ZNF611: variants seen among roughly 807,000 people sequenced by gnomAD.
The protein encoded by ZNF611 is zinc finger protein 611.
In ZNF611, 6 loss-of-function variants were observed where a neutral mutation model predicts 8.9. That is an observed-to-expected ratio of 0.68 (90% CI 0.37 to 1.34). The LOEUF is 1.34. Ranked by LOEUF, ZNF611 falls within the 40% of genes most tolerant of loss-of-function variation. ZNF611 has a pLI of 0.02. For missense variants in ZNF611, 874 were observed against 841.3 expected, an observed-to-expected ratio of 1.04 and a Z score of -0.48; for synonymous variants, 262 against 279.7, an observed-to-expected ratio of 0.94 and a Z score of 0.63.
chr19:52,710,439 A>G (rs2062272232), intron 5 of ZNF611, among the ~76,000 whole-genome samples: 1 of 152,152 alleles, frequency 6.6e-6, no homozygotes, highest in Admixed American at 6.6e-5. Flanking sequence ...CATGTTGGCC[A>G]GGCTGGTCTA....
intron 3 of ZNF611, among the ~76,000 whole-genome samples, chr19:52,723,086 G>A (rs2062370267): frequency 6.7e-6 from 1 of 150,298 alleles, no homozygotes; most frequent in Non-Finnish European, 1.5e-5. Flanking sequence ...CTAATTCTGT[G>A]CATATCTCTC....
intron 5 of ZNF611, among the ~76,000 whole-genome samples, chr19:52,711,828 G>C (rs982340521): frequency 5.9e-5 from 9 of 152,100 alleles, no homozygotes; most frequent in African/African-American, 2.2e-4. Context: ...AAAGTCAATA[G>C]GCTGGTATTT....
At chr19:52,725,419 C>A (rs2062385336) in intron 3 of ZNF611, among the ~76,000 whole-genome samples, 1 of 152,146 alleles carries the variant, frequency 6.6e-6, no homozygotes, top group Non-Finnish European at 1.5e-5. Context: ...GGGAATCCAG[C>A]GCACGGGTGA....
intron 5 of ZNF611, chr19:52,708,111 A>T (rs2062256914): frequency 6.6e-6 from 1 of 152,224 alleles, no homozygotes; most frequent in African/African-American, 2.4e-5. Context: ...TTAAGAAAAA[A>T]GCCACAACTT....
rs540560138 is a variant in ZNF611, at chr19:52,703,012, C to T, written c.*1925G>A. Reference sequence around the variant, plus strand: ...GAAATTGTTTTTTAAAAAAATCTAACGAATTCTGGGGTCAACCGGAAAATA... The same window carrying T: ...GAAATTGTTTTTTAAAAAAATCTAATGAATTCTGGGGTCAACCGGAAAATA... On this transcript the variant is annotated 3_prime_UTR_variant, in exon 6 of 6. Coordinates refer to ENST00000652185, the MANE Select transcript of ZNF611 (RefSeq NM_001161499.2). 2.1e-3 allele frequency: 320 copies of T among 151,992 alleles called. 2 individuals are homozygous for T. The highest frequency in any genetic ancestry group is 5.7e-3 in the African/African-American group (235 of 41,508). 9.4% of individuals were successfully genotyped at this position (151,992 alleles called of 1,614,324 possible).
intron 1 of ZNF611, among the ~76,000 whole-genome samples, chr19:52,733,285 T>C (rs150316821): frequency 1.3e-5 from 2 of 152,324 alleles, no homozygotes; most frequent in Non-Finnish European, 2.9e-5. Context: ...CCCACTCATC[T>C]GAACCCAGTC....
At chr19:52,709,670 C>A (rs11084180) in intron 5 of ZNF611, among the ~76,000 whole-genome samples, 64,199 of 151,186 alleles carry the variant, frequency 0.42, 14,068 homozygotes, top group African/African-American at 0.55. Context: ...CAGGTTCAAG[C>A]GATTCTCCTG....
chr19:52,713,589 T>C (rs1395733737), intron 5 of ZNF611, among the ~76,000 whole-genome samples: 2 of 152,142 alleles, frequency 1.3e-5, no homozygotes, highest in East Asian at 3.9e-4. Context: ...GCTTCTGTGA[T>C]GCTCCTCAAA....
chr19:52,717,534 G>A (rs913912841), intron 3 of ZNF611, among the ~76,000 whole-genome samples: 1 of 152,186 alleles, frequency 6.6e-6, no homozygotes, highest in Non-Finnish European at 1.5e-5. Flanking sequence ...GGAGAAAAAT[G>A]TTCAAAATAT....
chr19:52,729,366 G>GC (rs2062410672), intron 2 of ZNF611, among the ~76,000 whole-genome samples: 1 of 151,480 alleles, frequency 6.6e-6, no homozygotes, highest in Non-Finnish European at 1.5e-5. Context: ...GGTGGCTTGC[G>GC]CCTGCAGTCC....
intron 3 of ZNF611, chr19:52,723,397 C>G (rs1194316581): frequency 6.6e-6 from 1 of 151,898 alleles, no homozygotes; most frequent in Non-Finnish European, 1.5e-5. Flanking sequence ...GCTGGCATTA[C>G]AGGCATGTGC....
At chr19:52,717,567 ATAGGT>A (rs1280059071) in intron 3 of ZNF611, 1 of 439,066 alleles carries the variant, frequency 2.3e-6, no homozygotes, top group Non-Finnish European at 3.0e-6. Flanking sequence ...ACACACAGCA[ATAGGT>A]GTTTAAAACA....
chr19:52,728,493 G>T (rs187383458), intron 3 of ZNF611, among the ~76,000 whole-genome samples: 2 of 151,784 alleles, frequency 1.3e-5, no homozygotes, highest in Non-Finnish European at 2.9e-5. Flanking sequence ...AGCCGAGATC[G>T]CACCATTTAA....
At chr19:52,711,909 T>C (rs2062282754) in intron 5 of ZNF611, among the ~76,000 whole-genome samples, 1 of 151,998 alleles carries the variant, frequency 6.6e-6, no homozygotes, top group Non-Finnish European at 1.5e-5. Flanking sequence ...CAGGAAGTAA[T>C]GGGCATGTAG....
intron 5 of ZNF611, among the ~76,000 whole-genome samples, chr19:52,713,463 G>C (rs2062293647): frequency 6.6e-6 from 1 of 152,164 alleles, no homozygotes; most frequent in Admixed American, 6.5e-5. Flanking sequence ...ATACATATGA[G>C]GCTGTGAGCC....
At chr19:52,716,952 G>A (rs912018515) in intron 3 of ZNF611, among the ~76,000 whole-genome samples, 9 of 151,826 alleles carry the variant, frequency 5.9e-5, no homozygotes, top group African/African-American at 1.7e-4. Context: ...AGAATCACTT[G>A]AACCCAGGAG....
chr19:52,733,634 C>G (rs999711306), intron 1 of ZNF611, among the ~76,000 whole-genome samples: 2 of 152,030 alleles, frequency 1.3e-5, no homozygotes, highest in African/African-American at 2.4e-5. Context: ...CTGTGCTTCC[C>G]TCCCTAATTC....
At chr19:52,721,899 T>C (rs2062362517) in intron 3 of ZNF611, among the ~76,000 whole-genome samples, 1 of 151,394 alleles carries the variant, frequency 6.6e-6, no homozygotes, top group Non-Finnish European at 1.5e-5. Flanking sequence ...TAATCCAAAA[T>C]TATCAGGGCA....
In ZNF611 at chr19:52,705,288, A is replaced by G. The variant is rs527956859; in HGVS notation, c.1767T>C (p.Ser589=). The part of the protein sequence containing the change: ...SYLVCHHRVH[S]GEKPYKCNEC... Reference sequence around the variant, plus strand: ...CATTACACTTGTAAGGTTTCTCACCACTATGAACTCTATGATGGCATACAA... The same window carrying G: ...CATTACACTTGTAAGGTTTCTCACCGCTATGAACTCTATGATGGCATACAA... The change falls in exon 6 of 6, where the codon AGT becomes AGC. Residue 589 remains serine, a synonymous_variant. Transcript: ENST00000652185. The G allele has an allele frequency of 5.0e-4, 800 of 1,614,146 alleles. 6 individuals carry two copies. Among genetic ancestry groups the G allele is most frequent in the Non-Finnish European group, 3.6e-5 (43 of 1,180,014 alleles).
Sources: allele counts gnomAD v4.1 joint callset (sites outside exome capture counted in the v4.1 genomes callset), GRCh38; gene constraint gnomAD v4.1.1; transcripts MANE v1.5; gene names NCBI Gene and HGNC (gene_info 2026-07-23, HGNC 2026-07-21).